Variants in PTPRA observed in about 807,000 individuals in gnomAD.
PTPRA encodes the protein protein tyrosine phosphatase receptor type A, also known as receptor-type tyrosine-protein phosphatase alpha.
PTPRA carries 25 observed loss-of-function variants against 104.8 expected under a neutral mutation model. That is an observed-to-expected ratio of 0.24 (90% CI 0.17 to 0.33). The LOEUF (loss-of-function observed/expected upper bound fraction) is 0.33. Ranked by LOEUF, PTPRA falls within the 10% of genes least tolerant of loss-of-function variation. The pLI, the probability that PTPRA is intolerant of heterozygous loss-of-function variation, is 1.00. For missense variants in PTPRA, 765 were observed against 1,015.3 expected, an observed-to-expected ratio of 0.75 and a Z score of 3.35; for synonymous variants, 323 against 368.9, an observed-to-expected ratio of 0.88 and a Z score of 1.43.
chr20:3,011,749 T>C (rs1040229131), intron 11 of PTPRA, among the ~76,000 whole-genome samples: 2 of 152,226 alleles, frequency 1.3e-5, no homozygotes, highest in Non-Finnish European at 2.9e-5. Context: ...ATCCACTCTT[T>C]TAAGCAGAAA....
chr20:2,964,716 T>G, intron 4 of PTPRA, 145 bp from the exon 5 acceptor site: 1 of 699,472 alleles, frequency 1.4e-6, no homozygotes, highest in Non-Finnish European at 2.3e-6. Context: ...GATAAAAACG[T>G]AGGGGGTGGG....
chr20:2,892,861 C>G (rs1212221746), intron 1 of PTPRA, among the ~76,000 whole-genome samples: 1 of 152,200 alleles, frequency 6.6e-6, no homozygotes, highest in East Asian at 1.9e-4. Context: ...CACTTAGCAT[C>G]TAATTCTGTC....
intron 3 of PTPRA, among the ~76,000 whole-genome samples, chr20:2,948,886 A>G (rs1018433661): frequency 6.6e-6 from 1 of 152,032 alleles, no homozygotes; most frequent in Admixed American, 6.6e-5. Flanking sequence ...CGGGAGGCGG[A>G]GCTTGCAGTG....
At chr20:2,959,633 G>A (rs1022587963) in intron 3 of PTPRA, among the ~76,000 whole-genome samples, 1 of 151,992 alleles carries the variant, frequency 6.6e-6, no homozygotes, top group Non-Finnish European at 1.5e-5. Flanking sequence ...AGAGTTTCAG[G>A]TTCACAGCAA....
chr20:2,980,333 T>C (rs2062618755), intron 6 of PTPRA, among the ~76,000 whole-genome samples: 1 of 151,754 alleles, frequency 6.6e-6, no homozygotes, highest in Admixed American at 6.6e-5. Context: ...TTTGGGAGGC[T>C]GAGGCAGGCT....
chr20:3,015,722 C>A, intron 11 of PTPRA, 127 bp from the exon 12 acceptor site: 1 of 723,882 alleles, frequency 1.4e-6, no homozygotes, highest in Non-Finnish European at 2.3e-6. Context: ...AATATCTAGA[C>A]TGGAAATCCC....
intron 11 of PTPRA, among the ~76,000 whole-genome samples, chr20:3,009,994 A>T (rs915944433): frequency 6.6e-6 from 1 of 151,906 alleles, no homozygotes; most frequent in Non-Finnish European, 1.5e-5. Context: ...GATTACAGAC[A>T]TGTGCCACCA....
intron 6 of PTPRA, among the ~76,000 whole-genome samples, chr20:2,984,584 C>T (rs1417052738): frequency 6.6e-6 from 1 of 152,174 alleles, no homozygotes; most frequent in African/African-American, 2.4e-5. Flanking sequence ...TAGCTTTTAA[C>T]AGAATGTAAA....
At chr20:2,898,730 C>A (rs955998268) in intron 1 of PTPRA, among the ~76,000 whole-genome samples, 3 of 151,970 alleles carry the variant, frequency 2.0e-5, no homozygotes, top group African/African-American at 7.2e-5. Context: ...TAGTGGCACA[C>A]ACCTGTAGTC....
intron 3 of PTPRA, among the ~76,000 whole-genome samples, chr20:2,960,484 C>T (rs1464564218): frequency 1.3e-5 from 2 of 151,964 alleles, no homozygotes; most frequent in Non-Finnish European, 2.9e-5. Context: ...CTCCTGACCT[C>T]GTGATCCGCC....
In PTPRA at chr20:2,983,350, C is replaced by T. The variant is rs1362288334; in HGVS notation, c.443-3415C>T. Reference sequence around the variant, plus strand: ...GAGATAGGGCAGGTAGGGGCTAAATCGAGGGGGTTGTTAGAGTCCAGGATA... The same window carrying T: ...GAGATAGGGCAGGTAGGGGCTAAATTGAGGGGGTTGTTAGAGTCCAGGATA... On this transcript the variant is annotated intron_variant, in intron 6 of 23. Transcript: ENST00000399903. Among the ~76,000 whole-genome samples the T allele has an allele frequency of 3.9e-5, 6 of 151,918 alleles. No individual in the cohort carries two copies. The East Asian group carries it at 7.7e-4, about 20-fold the overall frequency.
At chr20:2,999,987 T>G (rs1402869251) in intron 9 of PTPRA, among the ~76,000 whole-genome samples, 4 of 151,988 alleles carry the variant, frequency 2.6e-5, no homozygotes, top group Admixed American at 2.6e-4. Flanking sequence ...TTCTACAAAT[T>G]GTTAAGAAAA....
chr20:2,979,732 C>G (rs951106204), intron 6 of PTPRA, among the ~76,000 whole-genome samples: 4 of 152,080 alleles, frequency 2.6e-5, no homozygotes, highest in African/African-American at 9.7e-5. Context: ...GACAGACTAC[C>G]AGAGTCTCGC....
Position 3,022,177 on chromosome 20 carries a change from G to C in PTPRA, c.1285G>C (p.Ala429Pro). The change falls in exon 15 of 24, where the codon GCC (alanine) becomes CCC (proline). Residue 429 changes from alanine to proline, a missense_variant. By Grantham distance (27) the Ala-to-Pro change is conservative. Coordinates refer to ENST00000399903, the MANE Select transcript of PTPRA (RefSeq NM_001385305.1). The surrounding 1 kb of genome is among the most constrained non-coding windows in gnomAD (Gnocchi z 4.6). ...GMLKFLKKVK[A>P]CNPQYAGAIV... ...GCTCAAGTTCCTCAAGAAGGTGAAGGCCTGTAACCCTCAGTATGCAGGGGC... is the reference window on the plus strand; with the variant it reads ...GCTCAAGTTCCTCAAGAAGGTGAAGCCCTGTAACCCTCAGTATGCAGGGGC... The C allele has an allele frequency of 6.2e-7, 1 of 1,614,218 alleles. No individual in the cohort carries two copies. Among genetic ancestry groups the C allele is most frequent in the Non-Finnish European group, 8.5e-7 (1 of 1,180,036 alleles).
At chr20:2,932,211 T>C (rs1041397404) in intron 2 of PTPRA, among the ~76,000 whole-genome samples, 6 of 152,172 alleles carry the variant, frequency 3.9e-5, no homozygotes, top group Admixed American at 1.3e-4. Flanking sequence ...GGGCAGGAAT[T>C]AGATTTAATC....
At chr20:2,907,356 A>G (rs1458334552) in intron 1 of PTPRA, among the ~76,000 whole-genome samples, 1 of 152,126 alleles carries the variant, frequency 6.6e-6, no homozygotes, top group Non-Finnish European at 1.5e-5. Context: ...CTCAGCCGTC[A>G]AACTGCTGTG....
intron 2 of PTPRA, among the ~76,000 whole-genome samples, chr20:2,937,723 T>C (rs2060760733): frequency 6.6e-6 from 1 of 152,238 alleles, no homozygotes; most frequent in Non-Finnish European, 1.5e-5. Context: ...ATAGAGTTTC[T>C]TTAGCCATTC....
At chr20:2,953,355 A>C (rs1235158838) in intron 3 of PTPRA, among the ~76,000 whole-genome samples, 1 of 151,978 alleles carries the variant, frequency 6.6e-6, no homozygotes, top group Non-Finnish European at 1.5e-5. Flanking sequence ...CCCGGGTTCA[A>C]GCGATTCTCC....
At chr20:2,889,216 G>C (rs561738054) in intron 1 of PTPRA, among the ~76,000 whole-genome samples, 2 of 152,230 alleles carry the variant, frequency 1.3e-5, no homozygotes, top group African/African-American at 4.8e-5. Context: ...TATTGTACTT[G>C]TAAGCATAGG....
Sources: allele counts gnomAD v4.1 joint callset (sites outside exome capture counted in the v4.1 genomes callset), GRCh38; gene constraint gnomAD v4.1.1; non-coding constraint Gnocchi (gnomAD v3.1); transcripts MANE v1.5; gene names NCBI Gene and HGNC (gene_info 2026-07-23, HGNC 2026-07-21).